The following ART4 variants were observed in gnomAD, a reference collection of about 807,000 sequenced individuals.
ART4 encodes the protein ADP-ribosyltransferase 4 (inactive) (Dombrock blood group).
Under a neutral mutation model 24.2 loss-of-function variants are expected in ART4, and 14 were observed. The ratio of observed to expected loss-of-function variants is 0.58; its 90% confidence interval spans 0.38 to 0.90. The LOEUF (loss-of-function observed/expected upper bound fraction) is 0.90, where lower values mean the gene tolerates loss of function less well. Among genes scored for constraint, ART4 ranks in the 40% least tolerant of loss-of-function variants. The pLI is 0.00. For missense variants in ART4, 356 were observed against 366.6 expected (o/e 0.97, Z 0.24); for synonymous variants, 145 against 139.9 (o/e 1.04, Z -0.26).
In ART4 at chr12:14,829,398, G is replaced by T. The variant is rs1202361438; in HGVS notation, c.918C>A (p.Val306=). The T allele has an allele frequency of 6.2e-7, 1 of 1,605,944 alleles. No individual in the cohort carries two copies. Among genetic ancestry groups the T allele is most frequent in the African/African-American group, 1.3e-5 (1 of 74,660 alleles). The part of the protein sequence containing the change: ...AIASLSFLTS[V]IIFSKSRV ...ATACTCTGCTTTTGGAAAAGATGAT[G>T]ACACTGGTCAAAAAGGAGAGAGATG... Residue 306 remains valine (V), a synonymous_variant, in exon 3 of 3, where the codon GTC becomes GTA. Transcript: ENST00000228936.
At chr12:14,829,503 GT>G (rs768450160) in intron 2 of ART4, 41 bp from the exon 3 acceptor site, 23 of 1,483,516 alleles carry the variant, frequency 1.6e-5, no homozygotes, top group African/African-American at 5.6e-5. Context: ...AGGTAGCAGA[GT>G]TTTTTTTAAA....
At chr12:14,831,547 G>A (rs1195593510) in intron 2 of ART4, among the ~76,000 whole-genome samples, 1 of 152,020 alleles carries the variant, frequency 6.6e-6, no homozygotes, top group Non-Finnish European at 1.5e-5. Context: ...TTATAGGTGT[G>A]AGCCATCACA....
In ART4 at chr12:14,826,437, G is replaced by C. The variant is rs1050286187; in HGVS notation, c.*2934C>G. ...TGTTGGTGTATAGCAGAATCATCTA[G>C]AGGACTTATTAAAACAGACTGTTCA... On this transcript the variant is annotated 3_prime_UTR_variant, in exon 3 of 3. Transcript: ENST00000228936. 1.3e-5 allele frequency: 2 copies of C among 152,212 alleles called. No individual in the cohort carries two copies. Among genetic ancestry groups the C allele is most frequent in the Admixed American group, 1.3e-4 (2 of 15,284 alleles). 9.4% of individuals were successfully genotyped at this position (152,212 alleles called of 1,614,324 possible). A position where few individuals can be genotyped will look rare whatever the true frequency, so the allele number is the denominator to read the frequency against.
chr12:14,843,044 T>A lies in ART4; in HGVS notation c.70A>T (p.Ile24Phe), dbSNP rs756556429. 1.2e-6 allele frequency: 2 copies of A among 1,614,166 alleles called. No individual in the cohort carries two copies. The highest frequency in any genetic ancestry group is 2.7e-5 in the African/African-American group (2 of 75,072). The change falls in exon 1 of 3, where the codon ATC becomes TTC. Residue 24 changes from isoleucine (I) to phenylalanine (F), a missense_variant. Physicochemically the swap from Ile to Phe is conservative, Grantham distance 21. Coordinates refer to ENST00000228936, the MANE Select transcript of ART4 (RefSeq NM_021071.4). ...GGCAGCAGGCCTCCAAGGAGCCAGA[T>A]TCTCATCGTTGCAGGAGGTACAGTA... ...PTTVPPATMR[I>F]WLLGGLLPFL...
intron 1 of ART4, among the ~76,000 whole-genome samples, chr12:14,842,138 C>A (rs936338770): frequency 2.6e-5 from 4 of 152,112 alleles, no homozygotes; most frequent in African/African-American, 9.7e-5. Flanking sequence ...GAATAGAAGT[C>A]CACAAAATAT....
rs1400786823 is a variant in ART4 at position 14,841,038 on chromosome 12, A to G, written c.260T>C (p.Ile87Thr). 1.2e-5 allele frequency: 19 copies of G among 1,614,082 alleles called. No individual in the cohort carries two copies. In the East Asian group the frequency reaches 2.5e-4, roughly 21 times the overall value. ...CCTAAAATAATTCTTCTGGGCTTCTATGTCTTTTGTGAAATAATCCCCTTG... is the reference window on the plus strand; with the variant it reads ...CCTAAAATAATTCTTCTGGGCTTCTGTGTCTTTTGTGAAATAATCCCCTTG... Reference protein sequence around the residue: ...LTQGDYFTKDIEAQKNYFRMW... With the variant: ...LTQGDYFTKDTEAQKNYFRMW... Residue 87 changes from isoleucine (I) to threonine (T), a missense_variant, in exon 2 of 3, where the codon ATA (isoleucine) becomes ACA (threonine). Transcript: ENST00000228936.
At position 14,834,480 on chromosome 12, in the gene ART4, C is replaced by T. The variant is rs183464295; in HGVS notation, c.854-5018G>A. ...TCATTCATTTTCTCCCCACTAGAAT[C>T]GTACAGGTTTTTAAAAAGTGAAGTT... On this transcript the variant is annotated intron_variant, in intron 2 of 2. Coordinates refer to ENST00000228936, the MANE Select transcript of ART4 (RefSeq NM_021071.4). Among the ~76,000 whole-genome samples the T allele has an allele frequency of 6.9e-4, 105 of 152,286 alleles. 1 individual carries two copies. Among genetic ancestry groups the T allele is most frequent in the African/African-American group, 2.5e-3 (105 of 41,564 alleles).
chr12:14,840,779 G>A lies in ART4; in HGVS notation c.519C>T (p.Asp173=). 6.2e-7 allele frequency: 1 copy of A among 1,614,162 alleles called. No homozygotes were observed. Among genetic ancestry groups the A allele is most frequent in the Non-Finnish European group, 8.5e-7 (1 of 1,180,028 alleles). ...ACAGAGTGCCATTCTCCATGATGCT[G>A]TCTTTCCTCAGCAGCTGGATTGCTG... is the stretch of plus-strand genomic sequence containing the variant. ...LTSAIQLLRK[D]SIMENGTLCY... The change falls in exon 2 of 3, where the codon GAC becomes GAT. Residue 173 remains aspartate (D), a synonymous_variant. Transcript: ENST00000228936.
Position 14,829,315 on chromosome 12 carries a change from A to T in ART4, c.*56T>A, listed in dbSNP as rs1247532295. 2.4e-6 allele frequency: 3 copies of T among 1,241,466 alleles called. No homozygotes were observed. In the South Asian group the frequency reaches 4.9e-5, roughly 20 times the overall value. The allele number at this position is 1,241,466 out of a possible 1,614,324, so 76.9% of individuals were successfully genotyped here. ...ATGTCCATTTCTAGCCAAAAGGCCA[A>T]TAAAAAAGATTTTATTTAAATATTT... On this transcript the variant is annotated 3_prime_UTR_variant, in exon 3 of 3. Transcript: ENST00000228936.
At position 14,840,681 on chromosome 12, in the gene ART4, T is replaced by C. The variant is rs937326488; in HGVS notation, c.617A>G (p.Gln206Arg). 1.2e-6 allele frequency: 2 copies of C among 1,614,026 alleles called. No individual in the cohort carries two copies. Among genetic ancestry groups the C allele is most frequent in the Non-Finnish European group, 1.7e-6 (2 of 1,180,030 alleles). Residue 206 changes from glutamine to arginine, a missense_variant, in exon 2 of 3, where the codon CAA becomes CGA. Physicochemically the swap from Gln to Arg is conservative, Grantham distance 43 (BLOSUM62 1). Transcript: ENST00000228936. ...AYTGATIRFG[Q>R]FLSTSLLKEE... ...TTTCAGGAGGGATGTGGAGAGGAAT[T>C]GGCCAAATCGAATGGTGGCCCCTGT...
rs1419560101 is a variant in ART4 at position 14,825,847 on chromosome 12, TA to T, written c.*3523del. 3.3e-5 allele frequency: 5 copies of T among 152,222 alleles called. No individual in the cohort carries two copies. Among genetic ancestry groups the T allele is most frequent in the Non-Finnish European group, 7.3e-5 (5 of 68,030 alleles). The allele number at this position is 152,222 out of a possible 1,614,324, so 9.4% of individuals were successfully genotyped here. On this transcript the variant is annotated 3_prime_UTR_variant, in exon 3 of 3. Coordinates refer to ENST00000228936, the MANE Select transcript of ART4 (RefSeq NM_021071.4). Reference sequence around the variant, plus strand: ...GCGTATTAAAGAGAACACCTTGTTATAAAAATAAAGTATTACATGGGTTGAG... The same window carrying T: ...GCGTATTAAAGAGAACACCTTGTTATAAAATAAAGTATTACATGGGTTGAG...
intron 2 of ART4, among the ~76,000 whole-genome samples, chr12:14,830,705 A>C (rs1950391660): frequency 1.1e-5 from 1 of 92,846 alleles, no homozygotes. Flanking sequence ...ATATACAGTA[A>C]TTTCTGTCTT....
intron 2 of ART4, among the ~76,000 whole-genome samples, chr12:14,835,213 T>C (rs1950421488): frequency 6.6e-6 from 1 of 152,296 alleles, no homozygotes; most frequent in South Asian, 2.1e-4. Context: ...TGAGAAATAG[T>C]GTCCAGAGAA....
intron 2 of ART4, among the ~76,000 whole-genome samples, chr12:14,830,941 C>T (rs1003837035): frequency 6.0e-5 from 9 of 150,692 alleles, no homozygotes; most frequent in Admixed American, 1.3e-4. Flanking sequence ...GGTTCTCAAA[C>T]GATTTTTGTT....
chr12:14,832,268 C>G (rs1402081473), intron 2 of ART4, among the ~76,000 whole-genome samples: 1 of 152,176 alleles, frequency 6.6e-6, no homozygotes, highest in Non-Finnish European at 1.5e-5. Flanking sequence ...TTCTCTCATT[C>G]CCGTACACTG....
At chr12:14,834,072 C>T (rs1950413356) in intron 2 of ART4, among the ~76,000 whole-genome samples, 1 of 152,176 alleles carries the variant, frequency 6.6e-6, no homozygotes, top group Non-Finnish European at 1.5e-5. Flanking sequence ...ACAACATTCC[C>T]ACAAGATGAG....
rs1863080182 is a variant in ART4, at chr12:14,843,129, G to GGACCCATT, written c.-17_-16insAATGGGTC. 1.9e-6 allele frequency: 3 copies of GGACCCATT among 1,613,582 alleles called. No homozygotes were observed. Among genetic ancestry groups the GGACCCATT allele is most frequent in the African/African-American group, 2.7e-5 (2 of 74,920 alleles). Reference sequence around the variant, plus strand: ...ATGGACCCATTTGCTTGTGTCACAAGTACTTCTCCTTTGCCCTTGCAGCTT... The same window carrying GGACCCATT: ...ATGGACCCATTTGCTTGTGTCACAAGGACCCATTTACTTCTCCTTTGCCCTTGCAGCTT... On this transcript the variant is annotated 5_prime_UTR_variant, in exon 1 of 3. It adds an upstream start codon to the 5' untranslated region. Coordinates refer to ENST00000228936, the MANE Select transcript of ART4 (RefSeq NM_021071.4).
chr12:14,840,720 T>C lies in ART4; in HGVS notation c.578A>G (p.His193Arg). The change falls in exon 2 of 3, where the codon CAC (histidine) becomes CGC (arginine). Residue 193 changes from histidine (H) to arginine (R), a missense_variant. Coordinates refer to ENST00000228936, the MANE Select transcript of ART4 (RefSeq NM_021071.4). ...GGTGGCCCCTGTGTAGGCATTAAAGTGGACATCCTTCGTCCTATAATGCAC... is the reference window on the plus strand; with the variant it reads ...GGTGGCCCCTGTGTAGGCATTAAAGCGGACATCCTTCGTCCTATAATGCAC... ...YEVHYRTKDV[H>R]FNAYTGATIR... 6.2e-7 allele frequency: 1 copy of C among 1,614,168 alleles called. No individual in the cohort carries two copies. Among genetic ancestry groups the C allele is most frequent in the Non-Finnish European group, 8.5e-7 (1 of 1,180,034 alleles).
intron 2 of ART4, among the ~76,000 whole-genome samples, chr12:14,840,001 C>T (rs1950455511): frequency 6.6e-6 from 1 of 152,096 alleles, no homozygotes; most frequent in Non-Finnish European, 1.5e-5. Context: ...TATAATTTTG[C>T]TTTATTCATT....
Sources: allele counts gnomAD v4.1 joint callset (sites outside exome capture counted in the v4.1 genomes callset), GRCh38; gene constraint gnomAD v4.1.1; transcripts MANE v1.5; gene names NCBI Gene and HGNC (gene_info 2026-07-23, HGNC 2026-07-21).